EPB41L1: variants seen among roughly 807,000 people sequenced by gnomAD.
EPB41L1 encodes erythrocyte membrane protein band 4.1 like 1, also known as band 4.1-like protein 1.
EPB41L1 carries 29 observed loss-of-function variants against 97.8 expected under a neutral mutation model. The observed-to-expected ratio is 0.30, with a 90% CI of 0.22 to 0.40. The LOEUF is 0.40. Among genes scored for constraint, EPB41L1 ranks in the 10% least tolerant of loss-of-function variants. The pLI, the probability that EPB41L1 is intolerant of heterozygous loss-of-function variation, is 1.00. For missense variants in EPB41L1, 812 were observed against 1,162.3 expected (o/e 0.70, Z 4.38); for synonymous variants, 383 against 459.2 (o/e 0.83, Z 2.12).
chr20:36,149,305 T>C (rs1315614312), intron 2 of EPB41L1, among the ~76,000 whole-genome samples: 1 of 152,164 alleles, frequency 6.6e-6, no homozygotes, highest in Non-Finnish European at 1.5e-5. Flanking sequence ...CTACACTAGA[T>C]ACGTATGGAA....
chr20:36,118,728 CTT>C (rs1434988111), intron 2 of EPB41L1, among the ~76,000 whole-genome samples: 3 of 152,098 alleles, frequency 2.0e-5, no homozygotes, highest in African/African-American at 7.2e-5. Flanking sequence ...TTAATAGATG[CTT>C]AATAGATATT....
intron 1 of EPB41L1, among the ~76,000 whole-genome samples, chr20:36,095,689 C>T (rs145676799): frequency 1.5e-4 from 23 of 152,326 alleles, no homozygotes; most frequent in Non-Finnish European, 2.5e-4. Flanking sequence ...ATACTCTAGT[C>T]TAGAGCTGTG....
chr20:36,198,517 C>T (rs1457310196), intron 14 of EPB41L1, among the ~76,000 whole-genome samples: 1 of 152,178 alleles, frequency 6.6e-6, no homozygotes, highest in Non-Finnish European at 1.5e-5. Context: ...GGAGTGGTCC[C>T]TCCTAGAAGG....
At chr20:36,226,735 G>A (rs1431691403) in intron 21 of EPB41L1, among the ~76,000 whole-genome samples, 1 of 152,222 alleles carries the variant, frequency 6.6e-6, no homozygotes, top group African/African-American at 2.4e-5. Context: ...CGCAGGGACT[G>A]TGCTGTGCTG....
intron 21 of EPB41L1, 117 bp downstream of exon 21, chr20:36,222,511 T>C: frequency 1.3e-6 from 1 of 781,270 alleles, no homozygotes; most frequent in Admixed American, 2.1e-5. Context: ...GCTTTGACCC[T>C]CCCCCCATCA....
rs113285516 is a variant in EPB41L1, at chr20:36,092,177, T to C, written c.-65+565T>C. Among the ~76,000 whole-genome samples, 3,125 of 152,220 alleles carry C rather than the reference T, an allele frequency of 0.021. 114 individuals carry two copies. Among genetic ancestry groups the C allele is most frequent in the African/African-American group, 0.072 (2,978 of 41,542 alleles). ...AAAAGGGTGGGCGTGGGCCAGGTCC[T>C]GGCTGGAGGTAGACGAGGTCGGCGA... On this transcript the variant is annotated intron_variant, in intron 1 of 19. Transcript: ENST00000202028. This position sits in a 1 kb window ranked among gnomAD's most constrained non-coding sequence, Gnocchi z 7.0.
chr20:36,224,821 G>GA (rs201529310), intron 21 of EPB41L1, among the ~76,000 whole-genome samples: 1 of 151,812 alleles, frequency 6.6e-6, no homozygotes, highest in Admixed American at 6.6e-5. Flanking sequence ...TATTATCTAG[G>GA]AAAAAAATTT....
At position 36,219,761 on chromosome 20, in the gene EPB41L1, A is replaced by G; in HGVS notation, c.2356A>G (p.Ile786Val). 6 of 1,614,096 alleles carry G rather than the reference A, an allele frequency of 3.7e-6. No individual in the cohort carries two copies. The highest frequency in any genetic ancestry group is 5.1e-6 in the Non-Finnish European group (6 of 1,180,014). The change falls in exon 19 of 22, where the codon ATC becomes GTC. Residue 786 changes from isoleucine to valine, a missense_variant and splice_region_variant. Physicochemically the swap from Ile to Val is conservative, Grantham distance 29. Coordinates refer to ENST00000338074, the MANE Select transcript of EPB41L1 (RefSeq NM_012156.2). ...VATEIRSLSP[I>V]IGKDVLTSTY... is the part of the protein sequence containing the mutation. Reference sequence around the variant, plus strand: ...GGTGGGGGGTGGTTATATTCTGCAGATCATCGGGAAAGATGTCCTCACCAG... The same window carrying G: ...GGTGGGGGGTGGTTATATTCTGCAGGTCATCGGGAAAGATGTCCTCACCAG...
At chr20:36,154,632 G>A, upstream of EPB41L1, 4 of 952,124 alleles carry the variant, frequency 4.2e-6, no homozygotes, top group Non-Finnish European at 5.0e-6. The surrounding 1 kb of genome is among the most constrained non-coding windows in gnomAD (Gnocchi z 5.5). Context: ...CTCCGAGGCC[G>A]GGGCGGGGGC....
chr20:36,166,273 C>G (rs973289131), intron 1 of EPB41L1, among the ~76,000 whole-genome samples: 9 of 152,196 alleles, frequency 5.9e-5, no homozygotes, highest in African/African-American at 2.2e-4. Flanking sequence ...GCTGTGTGAC[C>G]TGGAGCAAGT....
At chr20:36,142,410 A>AT (rs11482313) in intron 2 of EPB41L1, among the ~76,000 whole-genome samples, 12,348 of 152,220 alleles carry the variant, frequency 0.081, 678 homozygotes, top group African/African-American at 0.15. Flanking sequence ...TCTTTGTGTC[A>AT]TTCATTGTTC....
intron 1 of EPB41L1, among the ~76,000 whole-genome samples, chr20:36,169,326 T>A (rs1447382613): frequency 6.6e-6 from 1 of 152,114 alleles, no homozygotes; most frequent in Non-Finnish European, 1.5e-5. Context: ...GATCTGGGTC[T>A]GCCTGACTCC....
At chr20:36,125,651 A>C in intron 2 of EPB41L1, 1 of 1,434,894 alleles carries the variant, frequency 7.0e-7, no homozygotes, top group Non-Finnish European at 9.3e-7. Flanking sequence ...GACGGCAAGG[A>C]GGCAAGTGGA....
intron 5 of EPB41L1, among the ~76,000 whole-genome samples, chr20:36,178,932 G>C (rs2061365082): frequency 6.6e-6 from 1 of 151,832 alleles, no homozygotes; most frequent in Non-Finnish European, 1.5e-5. Flanking sequence ...GTGGTGGCGG[G>C]TGCTTGTAAT....
At chr20:36,100,185 C>A (rs753844226) in intron 1 of EPB41L1, among the ~76,000 whole-genome samples, 12 of 152,350 alleles carry the variant, frequency 7.9e-5, no homozygotes, top group Admixed American at 4.6e-4. Flanking sequence ...AGGGCTTATA[C>A]TGTCCTGGTA....
At chr20:36,223,352 T>C (rs1264702882) in intron 21 of EPB41L1, among the ~76,000 whole-genome samples, 2 of 152,220 alleles carry the variant, frequency 1.3e-5, no homozygotes, top group African/African-American at 4.8e-5. Context: ...TTTTGACTTC[T>C]GAGACCTGCA....
At chr20:36,133,073 A>G (rs1420682020) in intron 2 of EPB41L1, among the ~76,000 whole-genome samples, 8 of 152,250 alleles carry the variant, frequency 5.3e-5, no homozygotes, top group Non-Finnish European at 1.2e-4. Flanking sequence ...TTTTATCCCT[A>G]ATCCCATAAT....
rs572689452 is a variant in EPB41L1, at chr20:36,175,441, C to T, written c.178-110C>T. The T allele has an allele frequency of 2.9e-4, 392 of 1,343,404 alleles. 1 individual carries two copies. In the African/African-American group the frequency reaches 5.1e-3, roughly 17 times the overall value. The allele number at this position is 1,343,404 out of a possible 1,614,324, so 83.2% of individuals were successfully genotyped here. A position where few individuals can be genotyped will look rare whatever the true frequency, so the allele number is the denominator to read the frequency against. ...GTGGGTCTCAGACGGTAGCGACTTT[C>T]ATTCTGGGGTCTGTCTTGGCCCCAG... is the stretch of plus-strand genomic sequence containing the variant. On this transcript the variant is annotated intron_variant, in intron 2 of 21. Transcript: ENST00000338074.
intron 1 of EPB41L1, among the ~76,000 whole-genome samples, chr20:36,163,129 G>GT (rs11347137): frequency 0.074 from 10,478 of 140,834 alleles, 455 homozygotes; most frequent in East Asian, 0.13. Context: ...CACTCTTTCT[G>GT]TTTTTTTTTT....
Sources: gnomAD v4.1 joint callset for allele counts (sites outside exome capture counted in the v4.1 genomes callset) on GRCh38, gnomAD v4.1.1 for gene constraint, Gnocchi (gnomAD v3.1) non-coding constraint, MANE v1.5 for transcripts, NCBI Gene and HGNC (gene_info 2026-07-23, HGNC 2026-07-21) for gene names.